NBPF12: variants seen among roughly 807,000 people sequenced by gnomAD.
The protein encoded by NBPF12 is NBPF family member NBPF12.
In NBPF12, 115 loss-of-function variants were observed where a neutral mutation model predicts 146.4. The observed-to-expected ratio is 0.79, with a 90% confidence interval of 0.68 to 0.92. The LOEUF (loss-of-function observed/expected upper bound fraction) is 0.92, where lower values mean the gene tolerates loss of function less well. Among genes scored for constraint, NBPF12 ranks in the 40% least tolerant of loss-of-function variants. The probability of loss-of-function intolerance (pLI) is 0.00; values close to 1 mark genes in which losing one functional copy is unlikely to be tolerated. For synonymous variants in NBPF12, 385 were observed against 508.9 expected (o/e 0.76, Z 3.28); for missense variants, 1,205 against 1,326.8 (o/e 0.91, Z 1.43).
chr1:146,968,676 C>G (rs1432924671), intron 10 of NBPF12, 126 bp downstream of exon 13: 11 of 818,676 alleles, frequency 1.3e-5, no homozygotes, highest in Non-Finnish European at 2.1e-5. Context: ...ATGGCAGGCT[C>G]GCTACACACA....
At position 146,984,082 on chromosome 1, in the gene NBPF12, G is replaced by A; in HGVS notation, c.2615-52G>A. The A allele has an allele frequency of 1.7e-5, 11 of 652,828 alleles. 1 individual carries two copies. The highest frequency in any genetic ancestry group is 1.7e-5 in the Non-Finnish European group (7 of 407,538). 40.4% of individuals were successfully genotyped at this position (652,828 alleles called of 1,614,324 possible). A position where few individuals can be genotyped will look rare whatever the true frequency, so the allele number is the denominator to read the frequency against. ...GGATTGGACAGAGGAATGTTTCTGT[G>A]TGCAAGGAAGAACTGCCTAATGTAA... On this transcript the variant is annotated intron_variant, in intron 20 of 33. Transcript: ENST00000617844.
At chr1:146,965,548 C>T (rs1553885509) in intron 8 of NBPF12, among the ~76,000 whole-genome samples, 21,887 of 148,642 alleles carry the variant, frequency 0.15, 2,008 homozygotes, top group Admixed American at 0.27. Flanking sequence ...TTTGGGAGGC[C>T]GAGGCGGGTG....
At chr1:146,947,322 C>A (rs1323492782), upstream of NBPF12, among the ~76,000 whole-genome samples, 1 of 150,532 alleles carries the variant, frequency 6.6e-6, no homozygotes, top group South Asian at 2.1e-4. Context: ...TTCCCTGTGA[C>A]CTGTGACTCC....
chr1:146,966,671 A>G, exon 9 of NBPF12: 3 of 1,344,352 alleles, frequency 2.2e-6, no homozygotes, highest in Admixed American at 1.7e-5. Context: ...CAGAACAAAT[A>G]CAGTAAGATC....
exon 3 of NBPF12, chr1:146,959,965 G>T (rs1655757504): frequency 1.0e-5 from 3 of 291,632 alleles, no homozygotes; most frequent in Non-Finnish European, 1.7e-5. Flanking sequence ...TGTGGTGAAG[G>T]ATCCTAAAGT....
intron 16 of NBPF12, 146 bp from the exon 20 acceptor site, chr1:146,976,783 G>A: frequency 1.7e-6 from 1 of 575,170 alleles, no homozygotes. Context: ...ACCATGCCAG[G>A]GCATTCTGTT....
chr1:146,994,017 CATG>C (rs1165049396), intron 33 of NBPF12, among the ~76,000 whole-genome samples: 1 of 91,094 alleles, frequency 1.1e-5, no homozygotes, highest in Non-Finnish European at 2.1e-5. Flanking sequence ...TGCTGTGTGT[CATG>C]AGGGCACTAA....
chr1:146,956,070 G>A (rs1655573470), intron 2 of NBPF12, among the ~76,000 whole-genome samples: 1 of 151,586 alleles, frequency 6.6e-6, no homozygotes, highest in African/African-American at 2.4e-5. Context: ...GTGAGACCTG[G>A]CCTGCTACGT....
chr1:146,967,810 G>A (rs1277967646), intron 9 of NBPF12, among the ~76,000 whole-genome samples: 4 of 150,982 alleles, frequency 2.6e-5, no homozygotes, highest in East Asian at 3.9e-4. Context: ...CTCATAGAAC[G>A]TTTATTGGCA....
At chr1:146,969,806 G>T (rs1656464454) in intron 11 of NBPF12, among the ~76,000 whole-genome samples, 1 of 151,238 alleles carries the variant, frequency 6.6e-6, no homozygotes. Flanking sequence ...CTCCTTCCTT[G>T]ATGGAAGGTG....
chr1:146,953,546 T>C (rs1179234200), intron 2 of NBPF12, among the ~76,000 whole-genome samples: 3 of 145,568 alleles, frequency 2.1e-5, no homozygotes, highest in African/African-American at 7.8e-5. Context: ...TTATATATTA[T>C]CAGGGCAAAA....
intron 11 of NBPF12, 110 bp from the exon 15 acceptor site, chr1:146,970,537 A>C: frequency 2.2e-6 from 3 of 1,376,798 alleles, no homozygotes; most frequent in Non-Finnish European, 3.1e-6. Flanking sequence ...GAGAGTTTTC[A>C]GTACAATGCT....
At chr1:146,970,394 GCCTC>G (rs1656519499) in intron 11 of NBPF12, among the ~76,000 whole-genome samples, 1 of 150,980 alleles carries the variant, frequency 6.6e-6, no homozygotes, top group Non-Finnish European at 1.5e-5. Context: ...GGCTGCACAA[GCCTC>G]CAGTGATATG....
exon 13 of NBPF12, chr1:146,971,249 T>C (rs1656592644): frequency 3.1e-6 from 5 of 1,612,206 alleles, no homozygotes; most frequent in Non-Finnish European, 3.4e-6. Flanking sequence ...CCATCACTTG[T>C]TCAAATAGCC....
upstream of NBPF12, among the ~76,000 whole-genome samples, chr1:146,948,859 AT>A (rs1655194092): frequency 6.6e-6 from 1 of 151,608 alleles, no homozygotes; most frequent in African/African-American, 2.4e-5. Context: ...GCCCGATTGT[AT>A]ATTCCATCTA....
Position 146,972,816 on chromosome 1 carries a change from G to A in NBPF12, c.1657G>A (p.Glu553Lys), listed in dbSNP as rs1553886786. The A allele has an allele frequency of 2.0e-4, 275 of 1,367,402 alleles. 2 individuals are homozygous for A. The highest frequency in any genetic ancestry group is 7.4e-4 in the Middle Eastern group (3 of 4,056). The allele number at this position is 1,367,402 out of a possible 1,614,324, so 84.7% of individuals were successfully genotyped here. A position where few individuals can be genotyped will look rare whatever the true frequency, so the allele number is the denominator to read the frequency against. The change falls in exon 14 of 34, where the codon GAG (glutamate) becomes AAG (lysine). Residue 553 changes from glutamate (E) to lysine (K), a missense_variant. Around this residue, in one of 16 missense-constraint regions of NBPF12, gnomAD observed 278 missense variants for 203.1 expected, o/e 1.37. Coordinates refer to ENST00000617844, the Ensembl canonical transcript of NBPF12. The stretch of plus-strand genomic sequence containing the variant: ...GGTATCAGCCGGCCCTTTGTCCAGC[G>A]AGAAGGCAGAGATGAACATTCTAGA...
intron 21 of NBPF12, 132 bp from the exon 25 acceptor site, chr1:146,984,681 A>G (rs1320484367): frequency 1.4e-6 from 1 of 719,006 alleles, no homozygotes; most frequent in African/African-American, 2.0e-5. Context: ...AAAGGCAATA[A>G]TTTGTTACCT....
chr1:146,992,462 CTGTGTGTGTGTGTGTGTGTGTG>C (rs1163182082), intron 31 of NBPF12, among the ~76,000 whole-genome samples: 8 of 66,254 alleles, frequency 1.2e-4, no homozygotes, highest in Admixed American at 3.5e-4. Context: ...CTCTCTCTCT[CTGTGTGTGTGTGTGTGTGTGTG>C]TGTGTGTGTG....
exon 34 of NBPF12, chr1:146,994,594 A>G: frequency 6.3e-7 from 1 of 1,595,712 alleles, no homozygotes; most frequent in Non-Finnish European, 8.5e-7. Context: ...TACTAAGCCG[A>G]GAGGTTTCAT....
Sources: gnomAD v4.1 joint callset for allele counts (sites outside exome capture counted in the v4.1 genomes callset) on GRCh38, gnomAD v4.1.1 for gene constraint, gnomAD v4.1.1 regional missense constraint, MANE v1.5 for transcripts, NCBI Gene and HGNC (gene_info 2026-07-23, HGNC 2026-07-21) for gene names.